ADCK1: variants seen among roughly 807,000 people sequenced by gnomAD.
The protein encoded by ADCK1 is aarF domain-containing protein kinase 1.
ADCK1 carries 41 observed loss-of-function variants against 52.3 expected under a neutral mutation model. The observed-to-expected ratio is 0.78, with a 90% CI of 0.61 to 1.02. The LOEUF is 1.02. Ranked by LOEUF, ADCK1 falls within the 50% of genes least tolerant of loss-of-function variation. The pLI is 0.00. For synonymous variants in ADCK1, 250 were observed against 274.6 expected, an observed-to-expected ratio of 0.91 and a Z score of 0.89; for missense variants, 658 against 679.5, an observed-to-expected ratio of 0.97 and a Z score of 0.35.
chr14:77,931,112 T>C (rs2099938219), intron 9 of ADCK1, among the ~76,000 whole-genome samples: 1 of 152,078 alleles, frequency 6.6e-6, no homozygotes, highest in African/African-American at 2.4e-5. Flanking sequence ...GGCAGGACTT[T>C]GGAGTTGGGT....
At chr14:77,898,508 G>A (rs2083458899) in intron 5 of ADCK1, among the ~76,000 whole-genome samples, 1 of 152,116 alleles carries the variant, frequency 6.6e-6, no homozygotes, top group African/African-American at 2.4e-5. Context: ...ATGAAGCTGG[G>A]AGCCATTATC....
At chr14:77,815,137 C>A (rs911418463) in intron 1 of ADCK1, among the ~76,000 whole-genome samples, 1 of 150,640 alleles carries the variant, frequency 6.6e-6, no homozygotes, top group Non-Finnish European at 1.5e-5. Context: ...CCTGCCTTGG[C>A]CTCCCACCAA....
At position 77,840,635 on chromosome 14, in the gene ADCK1, G is replaced by A. The variant is rs866117867; in HGVS notation, c.219+18117G>A. ...GGCTGAGGGGAGTGGTTCACTTGAGGCCAGGTGTTCAAGACCAGCCTGGAC... is the reference window on the plus strand; with the variant it reads ...GGCTGAGGGGAGTGGTTCACTTGAGACCAGGTGTTCAAGACCAGCCTGGAC... On this transcript the variant is annotated intron_variant, in intron 3 of 10. Transcript: ENST00000238561. Among the ~76,000 whole-genome samples, 19 of 152,152 alleles carry A rather than the reference G, an allele frequency of 1.2e-4. No homozygotes were observed. The South Asian group carries it at 3.9e-3, about 32-fold the overall frequency.
In ADCK1 at chr14:77,861,398, G is replaced by T. The variant is rs1176414517; in HGVS notation, c.423+2119G>T. Among the ~76,000 whole-genome samples the T allele has an allele frequency of 2.0e-5, 3 of 152,084 alleles. No individual in the cohort carries two copies. In the South Asian group the frequency reaches 6.2e-4, roughly 32 times the overall value. ...GGAGCGGGGCCATGTGGGAAGAAGGGTGGGTGCGTGTGGGGGTGTGAGGGC... is the reference window on the plus strand; with the variant it reads ...GGAGCGGGGCCATGTGGGAAGAAGGTTGGGTGCGTGTGGGGGTGTGAGGGC... On this transcript the variant is annotated intron_variant, in intron 4 of 10. Coordinates refer to ENST00000238561, the MANE Select transcript of ADCK1 (RefSeq NM_020421.4).
intron 1 of ADCK1, among the ~76,000 whole-genome samples, chr14:77,808,286 C>T (rs533097426): frequency 2.2e-3 from 340 of 152,242 alleles, no homozygotes; most frequent in Non-Finnish European, 3.7e-3. Context: ...TCCGTGGAGT[C>T]ACACAGTGAC....
At chr14:77,929,716 G>C (rs1394097053) in intron 9 of ADCK1, among the ~76,000 whole-genome samples, 1 of 152,096 alleles carries the variant, frequency 6.6e-6, no homozygotes. Context: ...GTCTAGGCTG[G>C]AGTGCAGTGG....
intron 6 of ADCK1, among the ~76,000 whole-genome samples, chr14:77,899,472 T>C (rs1192752072): frequency 1.3e-5 from 2 of 152,182 alleles, no homozygotes; most frequent in Non-Finnish European, 2.9e-5. Flanking sequence ...GACCCATTAG[T>C]CAATTAAACA....
intron 1 of ADCK1, among the ~76,000 whole-genome samples, chr14:77,802,575 C>T (rs1030595799): frequency 9.2e-5 from 14 of 151,924 alleles, no homozygotes; most frequent in South Asian, 2.1e-4. Context: ...TTCAGCCTCC[C>T]GGGATTCCTT....
chr14:77,882,993 A>G (rs1045140295), intron 4 of ADCK1, among the ~76,000 whole-genome samples: 5 of 128,992 alleles, frequency 3.9e-5, no homozygotes, highest in South Asian at 2.7e-4. Context: ...TTAAATGACA[A>G]ACACTTCCCC....
At chr14:77,853,414 C>T (rs2082354421) in intron 3 of ADCK1, among the ~76,000 whole-genome samples, 1 of 152,194 alleles carries the variant, frequency 6.6e-6, no homozygotes, top group East Asian at 1.9e-4. Context: ...GCCACTGTGC[C>T]TGGCATTGTG....
chr14:77,802,155 C>T (rs1594833489), intron 1 of ADCK1, among the ~76,000 whole-genome samples: 1 of 152,054 alleles, frequency 6.6e-6, no homozygotes, highest in East Asian at 1.9e-4. Flanking sequence ...GCTCCTTGGC[C>T]AAGTTTTCTA....
intron 3 of ADCK1, among the ~76,000 whole-genome samples, chr14:77,851,409 C>A (rs1256613144): frequency 6.6e-6 from 1 of 152,152 alleles, no homozygotes; most frequent in Non-Finnish European, 1.5e-5. Context: ...AGCCACTGCG[C>A]CTGGCCATAT....
intron 3 of ADCK1, among the ~76,000 whole-genome samples, chr14:77,852,399 G>A (rs2082302549): frequency 6.6e-6 from 1 of 151,686 alleles, no homozygotes; most frequent in Admixed American, 6.6e-5. Flanking sequence ...TTTCTTTGCT[G>A]GGTTTAGAAT....
intron 6 of ADCK1, 143 bp from the exon 7 acceptor site, chr14:77,907,660 G>A: frequency 1.7e-6 from 1 of 590,526 alleles, no homozygotes; most frequent in South Asian, 2.1e-5. Flanking sequence ...CATCCCCACT[G>A]TCACCGCTGA....
intron 3 of ADCK1, among the ~76,000 whole-genome samples, chr14:77,852,036 T>C (rs912799187): frequency 6.6e-6 from 1 of 152,110 alleles, no homozygotes; most frequent in African/African-American, 2.4e-5. Flanking sequence ...TCTCGCTCTG[T>C]TGCCCAGGCT....
At chr14:77,927,211 C>T (rs937564200) in intron 9 of ADCK1, among the ~76,000 whole-genome samples, 3 of 152,182 alleles carry the variant, frequency 2.0e-5, no homozygotes, top group Non-Finnish European at 4.4e-5. Flanking sequence ...AGAGACCATC[C>T]GTCCCCATCT....
chr14:77,931,553 C>T lies in ADCK1; in HGVS notation c.1242C>T (p.Leu414=). The part of the protein sequence containing the change: ...LEIRNNAANY[L]PQISHLLNHV... ...TTCGCAACAACGCGGCCAACTACCT[C>T]CCCCAGATCAGCCATCTCCTCAACC... is the stretch of plus-strand genomic sequence containing the variant. Residue 414 remains leucine, a synonymous_variant, in exon 10 of 11, where the codon CTC becomes CTT. Coordinates refer to ENST00000238561, the MANE Select transcript of ADCK1 (RefSeq NM_020421.4). The T allele has an allele frequency of 6.2e-7, 1 of 1,614,058 alleles. No homozygotes were observed. Among genetic ancestry groups the T allele is most frequent in the Non-Finnish European group, 8.5e-7 (1 of 1,180,016 alleles).
chr14:77,801,940 A>T (rs1307027280), intron 1 of ADCK1, among the ~76,000 whole-genome samples: 1 of 147,122 alleles, frequency 6.8e-6, no homozygotes, highest in Non-Finnish European at 1.5e-5. Context: ...GACTCCGTCT[A>T]AAAAAAAAAA....
intron 1 of ADCK1, among the ~76,000 whole-genome samples, chr14:77,809,863 C>G (rs978728036): frequency 6.6e-6 from 1 of 150,920 alleles, no homozygotes; most frequent in African/African-American, 2.4e-5. Flanking sequence ...GGTGAAACCT[C>G]TTCTCTAATA....
Sources: allele counts gnomAD v4.1 joint callset (sites outside exome capture counted in the v4.1 genomes callset), GRCh38; gene constraint gnomAD v4.1.1; transcripts MANE v1.5; gene names NCBI Gene and HGNC (gene_info 2026-07-23, HGNC 2026-07-21).